OGDH: variants seen among roughly 807,000 people sequenced by gnomAD.
OGDH encodes the protein 2-oxoglutarate dehydrogenase complex component E1.
Under a neutral mutation model 116.6 loss-of-function variants are expected in OGDH, and 38 were observed. The ratio of observed to expected loss-of-function variants is 0.33; its 90% confidence interval spans 0.25 to 0.43. The LOEUF (loss-of-function observed/expected upper bound fraction) is 0.43. Ranked by LOEUF, OGDH falls within the 20% of genes least tolerant of loss-of-function variation. The probability of loss-of-function intolerance (pLI) is 1.00; values close to 1 mark genes in which losing one functional copy is unlikely to be tolerated. For missense variants in OGDH, 825 were observed against 1,357.2 expected, an observed-to-expected ratio of 0.61 and a Z score of 6.16; for synonymous variants, 488 against 533.3, an observed-to-expected ratio of 0.92 and a Z score of 1.17.
intron 2 of OGDH, among the ~76,000 whole-genome samples, chr7:44,635,647 C>T (rs556280916): frequency 6.6e-6 from 1 of 152,150 alleles, no homozygotes; most frequent in East Asian, 1.9e-4. Flanking sequence ...TTGTAACACT[C>T]TCCTCATGTT....
chr7:44,700,127 CT>C lies in OGDH; in HGVS notation c.2431-12del. ...CTGTGTCCTGGCCTCTGGCCATTTC[CT>C]TCCCTGCTGCAGGACCTTAAAGAAG... On this transcript the variant is annotated splice_polypyrimidine_tract_variant and intron_variant, in intron 18 of 22. Transcript: ENST00000222673. 1.2e-6 allele frequency: 2 copies of C among 1,613,930 alleles called. No individual in the cohort carries two copies. Among genetic ancestry groups the C allele is most frequent in the Non-Finnish European group, 1.7e-6 (2 of 1,179,852 alleles).
chr7:44,615,972 T>C (rs1784750001), intron 1 of OGDH, among the ~76,000 whole-genome samples: 1 of 147,742 alleles, frequency 6.8e-6, no homozygotes, highest in Non-Finnish European at 1.5e-5. Context: ...CAGGCTGCAG[T>C]GAGCCGAGAT....
At chr7:44,640,800 T>C (rs1397240509) in intron 2 of OGDH, among the ~76,000 whole-genome samples, 1 of 152,144 alleles carries the variant, frequency 6.6e-6, no homozygotes, top group Non-Finnish European at 1.5e-5. Context: ...TGTCTACAGC[T>C]AGACTTGGGG....
intron 4 of OGDH, among the ~76,000 whole-genome samples, chr7:44,651,245 G>A (rs1341828756): frequency 1.3e-5 from 2 of 152,204 alleles, no homozygotes; most frequent in Non-Finnish European, 1.5e-5. Flanking sequence ...TGGAATATAT[G>A]CTATAGTTTC....
intron 2 of OGDH, among the ~76,000 whole-genome samples, chr7:44,625,424 C>T (rs1168775168): frequency 1.3e-5 from 2 of 152,188 alleles, no homozygotes; most frequent in Non-Finnish European, 2.9e-5. Context: ...CACGCCTGGC[C>T]ATGTCATGCC....
At position 44,701,557 on chromosome 7, in the gene OGDH, C is replaced by T; in HGVS notation, c.2574C>T (p.Thr858=). The change falls in exon 20 of 23, where the codon ACC becomes ACT. Residue 858 remains threonine, a synonymous_variant. Coordinates refer to ENST00000222673, the MANE Select transcript of OGDH (RefSeq NM_002541.4). ...LPFRKPLIIF[T]PKSLLRHPEA... ...CTGTATTTCAGTTAATTATCTTCAC[C>T]CCCAAATCCCTGTTGCGCCACCCCG... The T allele has an allele frequency of 6.2e-7, 1 of 1,614,030 alleles. No individual in the cohort carries two copies. Among genetic ancestry groups the T allele is most frequent in the Non-Finnish European group, 8.5e-7 (1 of 1,179,958 alleles).
chr7:44,675,103 A>C (rs995701280), intron 7 of OGDH, 75 bp from the exon 8 acceptor site: 2 of 1,148,614 alleles, frequency 1.7e-6, no homozygotes, highest in Non-Finnish European at 2.6e-6. Flanking sequence ...GGAGGGGGGG[A>C]TTGTAACACC....
intron 1 of OGDH, 27 bp from the exon 2 acceptor site, chr7:44,624,290 T>TG (rs1785114386): frequency 7.8e-6 from 10 of 1,284,464 alleles, no homozygotes; most frequent in African/African-American, 6.8e-5. Context: ...CTTTCTTTCT[T>TG]GTTTTTTTTT....
rs150482275 is a variant in OGDH, at chr7:44,609,853, G to C, written c.-28+3200G>C. Among the ~76,000 whole-genome samples the C allele has an allele frequency of 2.3e-3, 354 of 152,302 alleles. 2 individuals carry two copies. Among genetic ancestry groups the C allele is most frequent in the Admixed American group, 0.02 (303 of 15,304 alleles). On this transcript the variant is annotated intron_variant, in intron 1 of 22. Coordinates refer to ENST00000222673, the MANE Select transcript of OGDH (RefSeq NM_002541.4). ...CTCCACATACTTGCCAGCATTTGGTGATGTTACTTTTTTTATTATAGCCAT... is the reference window on the plus strand; with the variant it reads ...CTCCACATACTTGCCAGCATTTGGTCATGTTACTTTTTTTATTATAGCCAT...
At chr7:44,698,080 A>C (rs17133935) in intron 17 of OGDH, 112 bp from the exon 18 acceptor site, 1 of 1,255,662 alleles carries the variant, frequency 8.0e-7, no homozygotes, top group Non-Finnish European at 1.1e-6. Context: ...GAACCCTGCC[A>C]TCAAGAAAAA....
intron 10 of OGDH, among the ~76,000 whole-genome samples, chr7:44,686,536 G>A (rs573876308): frequency 6.6e-6 from 1 of 152,056 alleles, no homozygotes; most frequent in Non-Finnish European, 1.5e-5. Flanking sequence ...TGCTGGCCTC[G>A]TGAAATGTTA....
intron 2 of OGDH, among the ~76,000 whole-genome samples, chr7:44,636,753 CAG>C (rs1323649475): frequency 6.6e-6 from 1 of 152,198 alleles, no homozygotes; most frequent in Non-Finnish European, 1.5e-5. Context: ...ACTTGGAAAA[CAG>C]AGCTTCATTT....
chr7:44,698,067 A>G (rs1788663766), intron 17 of OGDH, 125 bp from the exon 18 acceptor site: 2 of 1,124,004 alleles, frequency 1.8e-6, no homozygotes, highest in African/African-American at 1.5e-5. Flanking sequence ...GGGGGAAGGA[A>G]CTGAACCCTG....
chr7:44,703,538 G>C (rs1279453848), intron 20 of OGDH, among the ~76,000 whole-genome samples: 1 of 151,988 alleles, frequency 6.6e-6, no homozygotes, highest in African/African-American at 2.4e-5. Flanking sequence ...TGACCAATAT[G>C]ATGAAACCCC....
At chr7:44,644,095 C>G (rs1786067815) in intron 2 of OGDH, among the ~76,000 whole-genome samples, 1 of 152,168 alleles carries the variant, frequency 6.6e-6, no homozygotes, top group Non-Finnish European at 1.5e-5. Context: ...ATCCCCGCTG[C>G]TCAGGAGGCT....
rs559493013 is a variant in OGDH at position 44,693,728 on chromosome 7, A to G, written c.1336-97A>G. 1.3e-5 allele frequency: 14 copies of G among 1,090,286 alleles called. No individual in the cohort carries two copies. The East Asian group carries it at 3.7e-4, about 29-fold the overall frequency. 67.5% of individuals were successfully genotyped at this position (1,090,286 alleles called of 1,614,324 possible). Reference sequence around the variant, plus strand: ...TGGGGTACGTACTCAGAGTAGCCAGATGGCAAGTGCATGCCATGCCCGGCC... The same window carrying G: ...TGGGGTACGTACTCAGAGTAGCCAGGTGGCAAGTGCATGCCATGCCCGGCC... On this transcript the variant is annotated intron_variant, in intron 10 of 22. Transcript: ENST00000222673.
chr7:44,671,086 T>C (rs1787429877), intron 5 of OGDH, among the ~76,000 whole-genome samples: 1 of 151,486 alleles, frequency 6.6e-6, no homozygotes, highest in Non-Finnish European at 1.5e-5. Context: ...TGTATTGCTA[T>C]AAAGTATAAA....
intron 18 of OGDH, 141 bp from the exon 19 acceptor site, chr7:44,700,000 C>A (rs1788757171): frequency 1.1e-6 from 1 of 920,558 alleles, no homozygotes; most frequent in Non-Finnish European, 1.7e-6. Flanking sequence ...CCAGGCCCCA[C>A]CTCCAGCAGT....
At chr7:44,661,309 T>A (rs897578299) in intron 4 of OGDH, among the ~76,000 whole-genome samples, 58 of 152,332 alleles carry the variant, frequency 3.8e-4, no homozygotes, top group Non-Finnish European at 5.7e-4. Context: ...ATGCATTTTT[T>A]CCTCCCTTTA....
Sources: gnomAD v4.1 joint callset for allele counts (sites outside exome capture counted in the v4.1 genomes callset) on GRCh38, gnomAD v4.1.1 for gene constraint, MANE v1.5 for transcripts, NCBI Gene and HGNC (gene_info 2026-07-23, HGNC 2026-07-21) for gene names.